Variants in LRRC4C observed in about 807,000 individuals in gnomAD.
LRRC4C encodes leucine-rich repeat-containing protein 4C.
A neutral mutation model predicts 33.6 loss-of-function variants in LRRC4C; 5 were observed. The ratio of observed to expected loss-of-function variants is 0.15; its 90% CI spans 0.08 to 0.31. The LOEUF (loss-of-function observed/expected upper bound fraction) is 0.31. LRRC4C is among the 10% of genes least tolerant of loss of function. The pLI is 1.00. For missense variants in LRRC4C, 560 were observed against 796.7 expected, an observed-to-expected ratio of 0.70 and a Z score of 3.58; for synonymous variants, 329 against 302.0, an observed-to-expected ratio of 1.09 and a Z score of -0.93.
chr11:40,591,101 C>T (rs1221519211), intron 3 of LRRC4C, among the ~76,000 whole-genome samples: 1 of 152,154 alleles, frequency 6.6e-6, no homozygotes, highest in Non-Finnish European at 1.5e-5. Flanking sequence ...GCAGTTTGAT[C>T]TCAGGCTGCT....
chr11:40,588,859 T>C (rs528115200), intron 3 of LRRC4C, among the ~76,000 whole-genome samples: 1 of 152,348 alleles, frequency 6.6e-6, no homozygotes, highest in East Asian at 1.9e-4. Flanking sequence ...TTATAGTTTC[T>C]GTTCTTTTAC....
chr11:41,440,433 C>T (rs901244642), intron 1 of LRRC4C, among the ~76,000 whole-genome samples: 7 of 151,942 alleles, frequency 4.6e-5, no homozygotes, highest in Non-Finnish European at 1.0e-4. Context: ...TCTATGGTCT[C>T]CTTTTAATTT....
chr11:40,686,736 T>G (rs1346401435), intron 2 of LRRC4C, among the ~76,000 whole-genome samples: 2 of 152,088 alleles, frequency 1.3e-5, no homozygotes, highest in African/African-American at 4.8e-5. Context: ...CTAATTATAT[T>G]AAGAGTTTGA....
chr11:40,974,182 TC>T (rs1851920956), intron 1 of LRRC4C, among the ~76,000 whole-genome samples: 3 of 152,226 alleles, frequency 2.0e-5, no homozygotes, highest in Admixed American at 6.5e-5. Context: ...TAACTTAATT[TC>T]AAGGAATATT....
intron 1 of LRRC4C, among the ~76,000 whole-genome samples, chr11:40,948,880 C>T (rs1486897841): frequency 2.0e-5 from 3 of 151,908 alleles, no homozygotes; most frequent in African/African-American, 4.8e-5. Flanking sequence ...TGGGTATATA[C>T]CCAGTAATGG....
intron 1 of LRRC4C, among the ~76,000 whole-genome samples, chr11:41,094,859 C>CTTG: frequency 6.6e-6 from 1 of 152,192 alleles, no homozygotes; most frequent in South Asian, 2.1e-4. Context: ...AATCACAGAG[C>CTTG]TTGTTACAGA....
At chr11:41,279,561 C>T (rs1689992626) in intron 1 of LRRC4C, among the ~76,000 whole-genome samples, 2 of 152,128 alleles carry the variant, frequency 1.3e-5, no homozygotes, top group South Asian at 4.1e-4. Context: ...GTTCACTCTC[C>T]TGTTTAATTC....
At chr11:40,879,487 T>A (rs1591975844) in intron 2 of LRRC4C, among the ~76,000 whole-genome samples, 1 of 152,052 alleles carries the variant, frequency 6.6e-6, no homozygotes, top group Non-Finnish European at 1.5e-5. Context: ...ATGTAACGAG[T>A]CCTGTGGGGG....
At chr11:40,905,716 A>G (rs1956386107) in intron 2 of LRRC4C, among the ~76,000 whole-genome samples, 1 of 152,212 alleles carries the variant, frequency 6.6e-6, no homozygotes, top group African/African-American at 2.4e-5. Flanking sequence ...CAGTGGCCTG[A>G]GCAGGGCCTT....
intron 5 of LRRC4C, among the ~76,000 whole-genome samples, chr11:40,173,045 T>C (rs1489401587): frequency 6.6e-6 from 1 of 152,124 alleles, no homozygotes; most frequent in Non-Finnish European, 1.5e-5. Flanking sequence ...CAAGCCAAGA[T>C]AATTGGCCAA....
chr11:40,521,998 C>T (rs921050501), intron 3 of LRRC4C, among the ~76,000 whole-genome samples: 3 of 152,136 alleles, frequency 2.0e-5, no homozygotes, highest in Non-Finnish European at 2.9e-5. Flanking sequence ...AAAGATTCTT[C>T]TAAAAAGATG....
chr11:40,626,411 G>T (rs577703767), intron 3 of LRRC4C, among the ~76,000 whole-genome samples: 10 of 152,154 alleles, frequency 6.6e-5, no homozygotes, highest in Admixed American at 2.6e-4. Context: ...ATATATTGCT[G>T]TCTCCACCTA....
intron 3 of LRRC4C, among the ~76,000 whole-genome samples, chr11:40,410,627 T>C (rs950803942): frequency 6.6e-6 from 1 of 152,084 alleles, no homozygotes; most frequent in African/African-American, 2.4e-5. Flanking sequence ...TTTGCTGGGT[T>C]GGGTGTCTCC....
chr11:40,534,748 C>T (rs971064852), intron 3 of LRRC4C, among the ~76,000 whole-genome samples: 1 of 152,146 alleles, frequency 6.6e-6, no homozygotes, highest in Non-Finnish European at 1.5e-5. Context: ...TGTTTGCAAC[C>T]TGCTGAATCA....
At chr11:41,076,298 C>T (rs1347237771) in intron 1 of LRRC4C, among the ~76,000 whole-genome samples, 1 of 152,210 alleles carries the variant, frequency 6.6e-6, no homozygotes, top group African/African-American at 2.4e-5. Context: ...GCAGTGTCCA[C>T]TTCAAGTATT....
At chr11:40,954,137 T>G (rs1406412726) in intron 1 of LRRC4C, among the ~76,000 whole-genome samples, 1 of 151,922 alleles carries the variant, frequency 6.6e-6, no homozygotes, top group Non-Finnish European at 1.5e-5. Context: ...TATTCTTGCT[T>G]TTGTTCCAGC....
intron 1 of LRRC4C, among the ~76,000 whole-genome samples, chr11:41,192,311 G>C (rs1488560784): frequency 1.4e-5 from 2 of 139,520 alleles, no homozygotes; most frequent in African/African-American, 2.6e-5. Flanking sequence ...CTGGCATACA[G>C]CATGAATTAA....
At chr11:40,780,797 T>TA (rs200369695) in intron 2 of LRRC4C, among the ~76,000 whole-genome samples, 2,406 of 152,052 alleles carry the variant, frequency 0.016, 57 homozygotes, top group African/African-American at 0.055. Flanking sequence ...GCTTTTTTTT[T>TA]TTTAATACGA....
intron 4 of LRRC4C, among the ~76,000 whole-genome samples, chr11:40,279,782 T>C (rs1943348457): frequency 6.6e-6 from 1 of 152,192 alleles, no homozygotes; most frequent in South Asian, 2.1e-4. Flanking sequence ...CCTTGTGGAC[T>C]CATGGGGTGT....
Sources: allele counts gnomAD v4.1 joint callset (sites outside exome capture counted in the v4.1 genomes callset), GRCh38; gene constraint gnomAD v4.1.1; transcripts MANE v1.5; gene names NCBI Gene and HGNC (gene_info 2026-07-23, HGNC 2026-07-21).